The following SOX6 variants were observed in gnomAD, a reference collection of about 807,000 sequenced individuals.
SOX6 encodes transcription factor SOX-6.
In SOX6, 11 loss-of-function variants were observed where a neutral mutation model predicts 97.8. The observed-to-expected ratio is 0.11, with a 90% CI of 0.07 to 0.19. The LOEUF (loss-of-function observed/expected upper bound fraction) is 0.19, where lower values mean the gene tolerates loss of function less well. Among genes scored for constraint, SOX6 ranks in the 10% least tolerant of loss-of-function variants. The pLI, the probability that SOX6 is intolerant of heterozygous loss-of-function variation, is 1.00. For missense variants in SOX6, 810 were observed against 1,039.5 expected (o/e 0.78, Z 3.04); for synonymous variants, 360 against 371.4 (o/e 0.97, Z 0.35).
chr11:16,192,772 G>C lies in SOX6; in HGVS notation c.536-5817C>G, dbSNP rs548912526. Among the ~76,000 whole-genome samples, 200 of 152,194 alleles carry C rather than the reference G, an allele frequency of 1.3e-3. 1 individual carries two copies. Among genetic ancestry groups the C allele is most frequent in the African/African-American group, 4.7e-3 (196 of 41,530 alleles). ...TAAAATAAAAAATTAAGTTTAAAAT[G>C]TATTTAAAAGCCTTTTTTTACATCA... is the stretch of plus-strand genomic sequence containing the variant. On this transcript the variant is annotated intron_variant, in intron 4 of 15. Transcript: ENST00000683767.
chr11:16,376,782 A>C (rs2134402596), intron 1 of SOX6, among the ~76,000 whole-genome samples: 1 of 152,240 alleles, frequency 6.6e-6, no homozygotes, highest in East Asian at 1.9e-4. Flanking sequence ...AATGGGGAAA[A>C]CCTACTGCAC....
Position 16,015,065 on chromosome 11 carries a change from A to T in SOX6, c.1624-15T>A. 1 of 1,607,834 alleles carries T rather than the reference A, an allele frequency of 6.2e-7. No individual in the cohort carries two copies. The highest frequency in any genetic ancestry group is 8.5e-7 in the Non-Finnish European group (1 of 1,175,044). On this transcript the variant is annotated splice_polypyrimidine_tract_variant and intron_variant, in intron 12 of 15. Coordinates refer to ENST00000683767, the MANE Select transcript of SOX6 (RefSeq NM_001367873.1). Reference sequence around the variant, plus strand: ...CGCGTTCTTTCCTAGAGGAACAAATAATCAGAGGCTTATTCTAGTTTCCAA... The same window carrying T: ...CGCGTTCTTTCCTAGAGGAACAAATTATCAGAGGCTTATTCTAGTTTCCAA...
chr11:16,040,962 C>T (rs192969472), intron 12 of SOX6, among the ~76,000 whole-genome samples: 1 of 152,180 alleles, frequency 6.6e-6, no homozygotes, highest in East Asian at 1.9e-4. Context: ...GTGACTACTG[C>T]TCTGCTTTGC....
chr11:16,225,403 T>C (rs184266505), intron 4 of SOX6, among the ~76,000 whole-genome samples: 2 of 148,198 alleles, frequency 1.3e-5, no homozygotes, highest in East Asian at 4.0e-4. Context: ...TTTACAGCCA[T>C]AGCTCTTGTA....
At chr11:16,695,868 C>G (rs747101080) in intron 3 of SOX6, among the ~76,000 whole-genome samples, 9 of 151,900 alleles carry the variant, frequency 5.9e-5, no homozygotes, top group Non-Finnish European at 1.0e-4. Context: ...TTAGCCAGGC[C>G]TGATGTTGCA....
At chr11:16,726,669 G>A (rs1848308759) in intron 2 of SOX6, among the ~76,000 whole-genome samples, 1 of 152,124 alleles carries the variant, frequency 6.6e-6, no homozygotes, top group African/African-American at 2.4e-5. Flanking sequence ...GGAAGTCAGG[G>A]AGGGAAGAAC....
At chr11:16,689,404 T>C (rs767756180) in intron 3 of SOX6, among the ~76,000 whole-genome samples, 2 of 152,216 alleles carry the variant, frequency 1.3e-5, no homozygotes, top group Non-Finnish European at 2.9e-5. Flanking sequence ...CTGGAACAAC[T>C]GTAGGGCTCA....
At chr11:15,983,461 T>C (rs1261385238) in intron 15 of SOX6, among the ~76,000 whole-genome samples, 1 of 152,142 alleles carries the variant, frequency 6.6e-6, no homozygotes, top group Non-Finnish European at 1.5e-5. Flanking sequence ...AAGTTATGCA[T>C]GTCTTTTCAA....
At chr11:15,985,476 G>C (rs1232877517) in intron 15 of SOX6, among the ~76,000 whole-genome samples, 2 of 152,158 alleles carry the variant, frequency 1.3e-5, no homozygotes, top group South Asian at 4.2e-4. Flanking sequence ...TCTAGGTCTG[G>C]GTATGCTGGA....
intron 4 of SOX6, among the ~76,000 whole-genome samples, chr11:16,557,241 A>C (rs1296848896): frequency 6.6e-6 from 1 of 151,842 alleles, no homozygotes; most frequent in Admixed American, 6.6e-5. Flanking sequence ...AAGATGGACA[A>C]AGTAAGGTTA....
intron 4 of SOX6, among the ~76,000 whole-genome samples, chr11:16,513,090 A>G (rs1054186182): frequency 6.6e-6 from 1 of 152,250 alleles, no homozygotes. Flanking sequence ...TCTAGTTTCT[A>G]GTTTCTACAA....
intron 4 of SOX6, chr11:16,577,042 G>T (rs898347996): frequency 1.3e-5 from 2 of 152,130 alleles, no homozygotes; most frequent in African/African-American, 4.8e-5. Context: ...AACCGGCCCA[G>T]GTTGGAAATG....
intron 3 of SOX6, among the ~76,000 whole-genome samples, chr11:16,267,168 G>A (rs1228583883): frequency 1.3e-5 from 2 of 148,826 alleles, no homozygotes; most frequent in East Asian, 2.0e-4. Context: ...AATGCAGGCA[G>A]CAAAAGCAAA....
At chr11:16,362,973 G>C (rs539635065) in intron 1 of SOX6, among the ~76,000 whole-genome samples, 1 of 152,020 alleles carries the variant, frequency 6.6e-6, no homozygotes, top group African/African-American at 2.4e-5. Context: ...ATAAACACAC[G>C]GTTCCAGATA....
chr11:16,473,391 A>T (rs1860176738), intron 1 of SOX6, among the ~76,000 whole-genome samples: 2 of 152,172 alleles, frequency 1.3e-5, no homozygotes, highest in African/African-American at 4.8e-5. Flanking sequence ...TATATACCTC[A>T]ATTAAAAATA....
chr11:16,360,838 C>G (rs886709091), upstream of SOX6, among the ~76,000 whole-genome samples: 17 of 151,906 alleles, frequency 1.1e-4, no homozygotes, highest in African/African-American at 3.9e-4. Context: ...CCCGTCTCTA[C>G]TAAAAATACA....
chr11:16,278,067 A>G (rs1854450666), intron 3 of SOX6, among the ~76,000 whole-genome samples: 1 of 152,218 alleles, frequency 6.6e-6, no homozygotes, highest in Non-Finnish European at 1.5e-5. Flanking sequence ...GATAGGATCA[A>G]CAATGAACAA....
intron 1 of SOX6, among the ~76,000 whole-genome samples, chr11:16,409,373 T>C (rs1343400862): frequency 6.6e-6 from 1 of 151,930 alleles, no homozygotes; most frequent in Non-Finnish European, 1.5e-5. Flanking sequence ...ATAAAAATAT[T>C]TTTCCTCCCA....
chr11:16,150,142 G>A (rs555631306), intron 6 of SOX6, among the ~76,000 whole-genome samples: 1 of 152,250 alleles, frequency 6.6e-6, no homozygotes, highest in South Asian at 2.1e-4. Flanking sequence ...ATCAGTGTGT[G>A]GATGCTGTCA....
Sources: gnomAD v4.1 joint callset for allele counts (sites outside exome capture counted in the v4.1 genomes callset) on GRCh38, gnomAD v4.1.1 for gene constraint, MANE v1.5 for transcripts, NCBI Gene and HGNC (gene_info 2026-07-23, HGNC 2026-07-21) for gene names.